SLC25A21: variants seen among roughly 807,000 people sequenced by gnomAD.
The protein encoded by SLC25A21 is mitochondrial 2-oxodicarboxylate carrier.
SLC25A21 carries 47 observed loss-of-function variants against 43.8 expected under a neutral mutation model. That is an observed-to-expected ratio of 1.07 (90% confidence interval 0.85 to 1.37). SLC25A21 has a LOEUF of 1.37. Among genes scored for constraint, SLC25A21 ranks in the 40% most tolerant of loss-of-function variants. The probability of loss-of-function intolerance (pLI) is 0.00; values close to 1 mark genes in which losing one functional copy is unlikely to be tolerated. For missense variants in SLC25A21, 352 were observed against 350.2 expected, an observed-to-expected ratio of 1.00 and a Z score of -0.04; for synonymous variants, 131 against 121.3, an observed-to-expected ratio of 1.08 and a Z score of -0.52.
intron 1 of SLC25A21, among the ~76,000 whole-genome samples, chr14:36,958,675 A>ATGTG (rs936593911): frequency 4.0e-5 from 4 of 101,054 alleles, no homozygotes; most frequent in African/African-American, 9.7e-5. Flanking sequence ...ACATAAGCAC[A>ATGTG]CGTGCACACA....
intron 1 of SLC25A21, among the ~76,000 whole-genome samples, chr14:36,935,755 ATCTAAT>A (rs1402266631): frequency 6.6e-6 from 1 of 152,124 alleles, no homozygotes; most frequent in African/African-American, 2.4e-5. Flanking sequence ...TGTTGTTTAT[ATCTAAT>A]TCTGAGATTC....
At chr14:36,714,007 T>A (rs192911678) in intron 6 of SLC25A21, among the ~76,000 whole-genome samples, 1 of 151,842 alleles carries the variant, frequency 6.6e-6, no homozygotes, top group Admixed American at 6.6e-5. Flanking sequence ...CAAGACCCTA[T>A]CTCAAAACAA....
intron 1 of SLC25A21, among the ~76,000 whole-genome samples, chr14:37,162,208 G>A (rs1292552070): frequency 2.0e-5 from 3 of 152,116 alleles, no homozygotes; most frequent in Non-Finnish European, 4.4e-5. Flanking sequence ...CTCCCATTTT[G>A]TAGGTTGCCT....
intron 1 of SLC25A21, among the ~76,000 whole-genome samples, chr14:37,107,466 A>G (rs1962937232): frequency 6.6e-6 from 1 of 152,112 alleles, no homozygotes; most frequent in Non-Finnish European, 1.5e-5. Flanking sequence ...TACAGATGTA[A>G]GCTACCATAT....
chr14:37,085,382 C>T (rs1350466980), intron 1 of SLC25A21, among the ~76,000 whole-genome samples: 4 of 152,108 alleles, frequency 2.6e-5, no homozygotes, highest in Admixed American at 6.5e-5. Flanking sequence ...CCTCAATGTA[C>T]GGTAAACATT....
At chr14:36,700,363 T>C (rs932448421) in intron 7 of SLC25A21, among the ~76,000 whole-genome samples, 1 of 152,204 alleles carries the variant, frequency 6.6e-6, no homozygotes, top group African/African-American at 2.4e-5. Flanking sequence ...ATTTGATCAA[T>C]GAAAAACTGC....
rs191624509 is a variant in SLC25A21 at position 36,855,949 on chromosome 14, G to A, written c.119+19007C>T. The stretch of plus-strand genomic sequence containing the variant: ...GTCACACTGAAAGGAAGGTATTATT[G>A]GCATCTAGTGAGTAGAGGCCTTAGA... On this transcript the variant is annotated intron_variant, in intron 2 of 9. Transcript: ENST00000331299. Among the ~76,000 whole-genome samples the A allele has an allele frequency of 3.5e-4, 54 of 152,218 alleles. 1 individual carries two copies. The highest frequency in any genetic ancestry group is 1.3e-3 in the African/African-American group (52 of 41,532).
At chr14:37,156,197 C>G (rs145662535) in intron 1 of SLC25A21, among the ~76,000 whole-genome samples, 90 of 150,160 alleles carry the variant, frequency 6.0e-4, no homozygotes, top group African/African-American at 2.0e-3. Flanking sequence ...GTATAAAACT[C>G]ACTAGTAAAG....
At chr14:37,056,228 C>T (rs1424718480) in intron 1 of SLC25A21, among the ~76,000 whole-genome samples, 2 of 152,114 alleles carry the variant, frequency 1.3e-5, no homozygotes, top group African/African-American at 4.8e-5. Flanking sequence ...CTGTGGCTCA[C>T]GCCTGTAATC....
chr14:37,044,059 C>T lies in SLC25A21; in HGVS notation c.70+128222G>A, dbSNP rs576856688. Among the ~76,000 whole-genome samples the T allele has an allele frequency of 2.0e-5, 3 of 150,766 alleles. No homozygotes were observed. In the East Asian group the frequency reaches 5.9e-4, roughly 30 times the overall value. On this transcript the variant is annotated intron_variant, in intron 1 of 9. Transcript: ENST00000331299. ...TCGGCCTCTCAAAGTGCTGGGATTA[C>T]AGGCTTGAGCCATCACACCCAGCCC...
chr14:37,058,002 C>G (rs755794100), intron 1 of SLC25A21, among the ~76,000 whole-genome samples: 1 of 152,158 alleles, frequency 6.6e-6, no homozygotes, highest in African/African-American at 2.4e-5. Context: ...CATATCCGTG[C>G]AATTTTGAAT....
intron 1 of SLC25A21, among the ~76,000 whole-genome samples, chr14:37,039,207 A>T (rs758038392): frequency 5.3e-5 from 8 of 152,334 alleles, no homozygotes; most frequent in Non-Finnish European, 8.8e-5. Context: ...GTTGCAAAAT[A>T]CTGAAAGGCA....
chr14:37,107,033 T>C (rs1962927335), intron 1 of SLC25A21, among the ~76,000 whole-genome samples: 2 of 152,328 alleles, frequency 1.3e-5, no homozygotes, highest in African/African-American at 4.8e-5. Context: ...GGTATAGATA[T>C]TCAAAATTCA....
intron 1 of SLC25A21, among the ~76,000 whole-genome samples, chr14:36,977,812 T>C (rs777722576): frequency 1.3e-5 from 2 of 152,190 alleles, no homozygotes; most frequent in Non-Finnish European, 2.9e-5. Flanking sequence ...GTTGTGTTCT[T>C]ACTAGGACAA....
intron 3 of SLC25A21, among the ~76,000 whole-genome samples, chr14:36,741,860 A>C (rs1421609990): frequency 6.6e-6 from 1 of 152,222 alleles, no homozygotes; most frequent in East Asian, 1.9e-4. Context: ...GGAAAGCATT[A>C]ACACGTCTGT....
At chr14:37,063,200 A>G (rs1356158477) in intron 1 of SLC25A21, among the ~76,000 whole-genome samples, 1 of 152,070 alleles carries the variant, frequency 6.6e-6, no homozygotes, top group African/African-American at 2.4e-5. Flanking sequence ...GGGAACTACA[A>G]TTCAAGATGA....
At chr14:37,118,119 T>G (rs139367687) in intron 1 of SLC25A21, among the ~76,000 whole-genome samples, 17 of 152,270 alleles carry the variant, frequency 1.1e-4, no homozygotes, top group African/African-American at 4.1e-4. Flanking sequence ...CGTACAGATG[T>G]AATGGATTAC....
chr14:36,709,299 G>A (rs1158912442), intron 7 of SLC25A21, among the ~76,000 whole-genome samples: 2 of 152,156 alleles, frequency 1.3e-5, no homozygotes, highest in Admixed American at 6.5e-5. Context: ...TTGATTTAAT[G>A]TTCTACTGTC....
At chr14:37,060,410 T>TAAC in intron 1 of SLC25A21, among the ~76,000 whole-genome samples, 1 of 147,756 alleles carries the variant, frequency 6.8e-6, no homozygotes, top group East Asian at 2.0e-4. Flanking sequence ...ATAATAATAA[T>TAAC]AATAATAATA....
Sources: allele counts gnomAD v4.1 joint callset (sites outside exome capture counted in the v4.1 genomes callset), GRCh38; gene constraint gnomAD v4.1.1; transcripts MANE v1.5; gene names NCBI Gene and HGNC (gene_info 2026-07-23, HGNC 2026-07-21).